GPC5: variants seen among roughly 807,000 people sequenced by gnomAD.
GPC5 encodes the protein glypican 5.
A neutral mutation model predicts 53.9 loss-of-function variants in GPC5; 47 were observed. The ratio of observed to expected loss-of-function variants is 0.87; its 90% confidence interval spans 0.69 to 1.11. GPC5 has a LOEUF of 1.11. Ranked by LOEUF, GPC5 falls within the 50% of genes most tolerant of loss-of-function variation. The pLI is 0.00. For missense variants in GPC5, 748 were observed against 713.1 expected, an observed-to-expected ratio of 1.05 and a Z score of -0.56; for synonymous variants, 286 against 263.3, an observed-to-expected ratio of 1.09 and a Z score of -0.84.
At chr13:92,741,794 T>A (rs973633544) in intron 7 of GPC5, among the ~76,000 whole-genome samples, 13 of 152,102 alleles carry the variant, frequency 8.5e-5, no homozygotes, top group Admixed American at 5.9e-4. Flanking sequence ...TGTCCAAGTG[T>A]TCTCATTGTT....
chr13:91,432,019 A>T (rs1436890849), intron 1 of GPC5, among the ~76,000 whole-genome samples: 2 of 152,152 alleles, frequency 1.3e-5, no homozygotes, highest in East Asian at 3.8e-4. Flanking sequence ...GAGCTGTGCC[A>T]TGTGGGTATG....
At chr13:92,058,698 C>T (rs2041096503) in intron 6 of GPC5, among the ~76,000 whole-genome samples, 2 of 152,246 alleles carry the variant, frequency 1.3e-5, no homozygotes, top group South Asian at 4.1e-4. Flanking sequence ...TGCCCGCCAC[C>T]ACAGCCAGCT....
intron 7 of GPC5, among the ~76,000 whole-genome samples, chr13:92,311,284 C>T (rs1182277245): frequency 6.6e-6 from 1 of 152,074 alleles, no homozygotes; most frequent in Non-Finnish European, 1.5e-5. Context: ...CTCTCCTGGC[C>T]ACTGAGAAAA....
At chr13:92,865,071 A>C (rs561722839) in intron 7 of GPC5, among the ~76,000 whole-genome samples, 21 of 152,290 alleles carry the variant, frequency 1.4e-4, no homozygotes, top group South Asian at 6.2e-4. Context: ...TAAGTGATGA[A>C]TCAGTAATTC....
chr13:92,195,233 G>A (rs1266376549), intron 7 of GPC5, among the ~76,000 whole-genome samples: 1 of 152,072 alleles, frequency 6.6e-6, no homozygotes, highest in Non-Finnish European at 1.5e-5. Context: ...GGTGGTGGTT[G>A]TTCTTTTTAA....
At chr13:92,707,986 C>T (rs1403727238) in intron 7 of GPC5, among the ~76,000 whole-genome samples, 1 of 152,026 alleles carries the variant, frequency 6.6e-6, no homozygotes, top group Non-Finnish European at 1.5e-5. Context: ...CCACCTCAGA[C>T]TCTAATTAGT....
chr13:92,862,573 C>T (rs1021208030), intron 7 of GPC5, among the ~76,000 whole-genome samples: 3 of 151,442 alleles, frequency 2.0e-5, no homozygotes, highest in South Asian at 4.2e-4. Context: ...ATATTTGACT[C>T]GTCTAAGTGT....
In GPC5 at chr13:92,674,570, GAAGCAGGAGCTTCATGAAGC is replaced by G. The variant is rs1287038229; in HGVS notation, c.1562-191711_1562-191692del. Among the ~76,000 whole-genome samples the G allele has an allele frequency of 9.0e-3, 1,350 of 150,458 alleles. 21 individuals carry two copies. The highest frequency in any genetic ancestry group is 0.031 in the African/African-American group (1,282 of 40,864). On this transcript the variant is annotated intron_variant, in intron 7 of 7. Coordinates refer to ENST00000377067, the MANE Select transcript of GPC5 (RefSeq NM_004466.6). Reference sequence around the variant, plus strand: ...GCAGGAGCTTCATGAAGCTCTTCTTGAAGCAGGAGCTTCATGAAGCTCTTCTTGAAGCAAGAGCTCATGGA... The same window carrying G: ...GCAGGAGCTTCATGAAGCTCTTCTTGTCTTCTTGAAGCAAGAGCTCATGGA...
chr13:91,519,285 T>G (rs1237472254), intron 2 of GPC5, among the ~76,000 whole-genome samples: 1 of 152,178 alleles, frequency 6.6e-6, no homozygotes, highest in African/African-American at 2.4e-5. Context: ...TTTTCTTTCT[T>G]TATTTGTACA....
intron 2 of GPC5, among the ~76,000 whole-genome samples, chr13:91,517,305 C>G (rs1213545434): frequency 1.3e-5 from 2 of 152,174 alleles, no homozygotes; most frequent in African/African-American, 2.4e-5. Flanking sequence ...CTTTGCTGCT[C>G]AGAAATTTCT....
intron 7 of GPC5, among the ~76,000 whole-genome samples, chr13:92,614,954 T>TA (rs1384015092): frequency 6.6e-6 from 1 of 152,196 alleles, no homozygotes; most frequent in East Asian, 1.9e-4. Context: ...AGCTGAAACT[T>TA]TTGTATAAGT....
At chr13:91,575,552 G>A (rs573044890) in intron 2 of GPC5, among the ~76,000 whole-genome samples, 1 of 152,116 alleles carries the variant, frequency 6.6e-6, no homozygotes, top group Admixed American at 6.6e-5. Context: ...TTCCTAGGGA[G>A]AACACGCTAT....
intron 1 of GPC5, among the ~76,000 whole-genome samples, chr13:91,434,510 G>A (rs1879757313): frequency 6.6e-6 from 1 of 152,172 alleles, no homozygotes; most frequent in Non-Finnish European, 1.5e-5. Flanking sequence ...TCAGATGGTT[G>A]TAGATGTGTG....
At chr13:92,372,723 G>T (rs1024713009) in intron 7 of GPC5, among the ~76,000 whole-genome samples, 2 of 152,048 alleles carry the variant, frequency 1.3e-5, no homozygotes, top group African/African-American at 4.8e-5. Flanking sequence ...GAGGCCAATT[G>T]TATTGGGAGA....
At chr13:92,181,292 G>C (rs1269828504) in intron 7 of GPC5, among the ~76,000 whole-genome samples, 2 of 152,098 alleles carry the variant, frequency 1.3e-5, no homozygotes, top group African/African-American at 4.8e-5. Flanking sequence ...ATAATTTCTT[G>C]CTACTAAATT....
At chr13:91,941,111 A>AT (rs1418582053) in intron 6 of GPC5, among the ~76,000 whole-genome samples, 1 of 151,724 alleles carries the variant, frequency 6.6e-6, no homozygotes, top group African/African-American at 2.4e-5. Flanking sequence ...TTCTTTTATG[A>AT]TTTTTATGGC....
intron 7 of GPC5, among the ~76,000 whole-genome samples, chr13:92,418,337 TA>T (rs2139358657): frequency 6.8e-6 from 1 of 146,386 alleles, no homozygotes; most frequent in African/African-American, 2.6e-5. Flanking sequence ...AAAGCTCTTA[TA>T]TTTTTTAAAA....
chr13:92,476,910 G>A (rs1451640351), intron 7 of GPC5, among the ~76,000 whole-genome samples: 2 of 110,286 alleles, frequency 1.8e-5, no homozygotes, highest in East Asian at 3.3e-4. Context: ...GGGGGGAGGG[G>A]GGAGGGATAG....
chr13:91,683,546 G>A (rs1847612474), intron 2 of GPC5, among the ~76,000 whole-genome samples: 1 of 152,164 alleles, frequency 6.6e-6, no homozygotes, highest in African/African-American at 2.4e-5. Context: ...GTCACTGCCT[G>A]TCCGGCTTCC....
Sources: gnomAD v4.1 joint callset for allele counts (sites outside exome capture counted in the v4.1 genomes callset) on GRCh38, gnomAD v4.1.1 for gene constraint, MANE v1.5 for transcripts, NCBI Gene and HGNC (gene_info 2026-07-23, HGNC 2026-07-21) for gene names.